The following MAP4K3 variants were observed in gnomAD, a reference collection of about 807,000 sequenced individuals.
The protein encoded by MAP4K3 is MAPK/ERK kinase kinase kinase 3.
MAP4K3 carries 94 observed loss-of-function variants against 143.5 expected under a neutral mutation model. The observed-to-expected ratio is 0.65, with a 90% confidence interval of 0.55 to 0.78. MAP4K3 has a LOEUF of 0.78. MAP4K3 is among the 30% of genes least tolerant of loss of function. The pLI, the probability that MAP4K3 is intolerant of heterozygous loss-of-function variation, is 0.00. For synonymous variants in MAP4K3, 416 were observed against 347.2 expected (o/e 1.20, Z -2.20); for missense variants, 1,077 against 1,068.1 (o/e 1.01, Z -0.12).
Position 39,356,344 on chromosome 2 carries a change from A to C in MAP4K3, c.155-5T>G. 2 of 1,508,088 alleles carry C rather than the reference A, an allele frequency of 1.3e-6. No homozygotes were observed. The highest frequency in any genetic ancestry group is 1.8e-6 in the Non-Finnish European group (2 of 1,094,734). The allele number at this position is 1,508,088 out of a possible 1,614,324, so 93.4% of individuals were successfully genotyped here. ...GCACAACTGCAAAGTCTTCTCCTGG[A>C]ATAAAAAACAAGCATGTTGAATATT... is the stretch of plus-strand genomic sequence containing the variant. On this transcript the variant is annotated splice_region_variant and splice_polypyrimidine_tract_variant and intron_variant, in intron 2 of 33. Transcript: ENST00000263881.
chr2:39,323,802 A>G (rs925680158), intron 12 of MAP4K3: 14 of 152,284 alleles, frequency 9.2e-5, no homozygotes, highest in Admixed American at 2.0e-4. Context: ...TAACAAAGAA[A>G]TGAAACACAT....
chr2:39,374,209 T>C (rs538185478), intron 2 of MAP4K3, among the ~76,000 whole-genome samples: 3 of 152,024 alleles, frequency 2.0e-5, no homozygotes, highest in South Asian at 2.1e-4. Flanking sequence ...GGATGAAACC[T>C]TGTCTCTACT....
At chr2:39,323,246 A>AC (rs1480143302) in intron 12 of MAP4K3, 1 of 152,226 alleles carries the variant, frequency 6.6e-6, no homozygotes, top group African/African-American at 2.4e-5. Context: ...TAATTATAAT[A>AC]CCAAAACAAT....
chr2:39,406,664 T>C (rs1291424490), intron 1 of MAP4K3, among the ~76,000 whole-genome samples: 2 of 152,008 alleles, frequency 1.3e-5, no homozygotes, highest in African/African-American at 4.8e-5. Flanking sequence ...ATCAAGACTT[T>C]CCCAGACAAA....
At chr2:39,257,796 CAAA>C (rs1285158564) in intron 31 of MAP4K3, among the ~76,000 whole-genome samples, 5 of 59,668 alleles carry the variant, frequency 8.4e-5, no homozygotes, top group South Asian at 7.0e-4. Context: ...CACTCCATCT[CAAA>C]AAAAAAAAAA....
At chr2:39,397,223 C>T (rs957033331) in intron 1 of MAP4K3, among the ~76,000 whole-genome samples, 4 of 152,136 alleles carry the variant, frequency 2.6e-5, no homozygotes, top group Non-Finnish European at 5.9e-5. Flanking sequence ...TACTCACCAA[C>T]TCCATAAAAT....
At position 39,252,432 on chromosome 2, in the gene MAP4K3, T is replaced by C. The variant is rs1680186821; in HGVS notation, c.2542-547A>G. Among the ~76,000 whole-genome samples the C allele has an allele frequency of 2.0e-5, 3 of 152,228 alleles. No homozygotes were observed. The South Asian group carries it at 6.2e-4, about 32-fold the overall frequency. ...ATGCAGTAGAGCCCTGCAGTGTTCT[T>C]ATAAGGATTAGTGGGTATAATGCCT... On this transcript the variant is annotated intron_variant, in intron 32 of 33. Transcript: ENST00000263881.
intron 3 of MAP4K3, among the ~76,000 whole-genome samples, chr2:39,349,928 G>T (rs556132310): frequency 6.6e-6 from 1 of 152,198 alleles, no homozygotes; most frequent in Admixed American, 6.5e-5. Context: ...GTAAAGGAAC[G>T]TATCTGTAAC....
chr2:39,296,433 T>C (rs1682284729), intron 16 of MAP4K3, among the ~76,000 whole-genome samples: 1 of 152,336 alleles, frequency 6.6e-6, no homozygotes, highest in South Asian at 2.1e-4. Flanking sequence ...GGAAGTTTTA[T>C]AAAGTAAATA....
At chr2:39,345,794 T>C (rs6753323) in intron 3 of MAP4K3, among the ~76,000 whole-genome samples, 132,968 of 151,432 alleles carry the variant, frequency 0.88, 58,627 homozygotes, top group Non-Finnish European at 0.92. Context: ...TGGTGGTGGG[T>C]GCCTGTAGTC....
intron 1 of MAP4K3, among the ~76,000 whole-genome samples, chr2:39,398,959 G>A (rs1337791769): frequency 3.3e-5 from 5 of 149,774 alleles, no homozygotes; most frequent in East Asian, 2.0e-4. Flanking sequence ...CAGGAGAATC[G>A]CTTGAACCCA....
At chr2:39,299,145 C>G (rs988128623) in intron 16 of MAP4K3, among the ~76,000 whole-genome samples, 2 of 152,008 alleles carry the variant, frequency 1.3e-5, no homozygotes, top group Admixed American at 6.5e-5. Context: ...TCCCATCATA[C>G]CTGGCAAATG....
At chr2:39,266,647 A>G (rs1283608548) in intron 27 of MAP4K3, among the ~76,000 whole-genome samples, 8 of 152,098 alleles carry the variant, frequency 5.3e-5, no homozygotes, top group Non-Finnish European at 1.5e-5. Flanking sequence ...TCCACACTAT[A>G]CTTGTGGTAT....
intron 1 of MAP4K3, among the ~76,000 whole-genome samples, chr2:39,411,836 T>TATCTACATGGTGACTAA (rs886126684): frequency 2.0e-5 from 3 of 152,212 alleles, no homozygotes; most frequent in African/African-American, 7.2e-5. Context: ...AATGGCTACA[T>TATCTACATGGTGACTAA]ATCTACATGG....
chr2:39,320,167 C>A (rs536890019), intron 12 of MAP4K3, among the ~76,000 whole-genome samples: 4 of 152,058 alleles, frequency 2.6e-5, no homozygotes, highest in Admixed American at 2.0e-4. Context: ...GAATGTTCAT[C>A]GAGTTAAATA....
intron 1 of MAP4K3, among the ~76,000 whole-genome samples, chr2:39,403,442 G>A (rs992689090): frequency 1.3e-5 from 2 of 152,192 alleles, no homozygotes; most frequent in Non-Finnish European, 2.9e-5. Flanking sequence ...GTGGCAGTGT[G>A]GCGCAGAGAA....
At chr2:39,376,597 C>A (rs1404085474) in intron 2 of MAP4K3, among the ~76,000 whole-genome samples, 1 of 151,930 alleles carries the variant, frequency 6.6e-6, no homozygotes, top group East Asian at 1.9e-4. Flanking sequence ...GCTGGGGGCA[C>A]AAATTTGATT....
At chr2:39,268,634 ATTTTTTTTT>A (rs70954799) in intron 26 of MAP4K3, among the ~76,000 whole-genome samples, 2 of 73,786 alleles carry the variant, frequency 2.7e-5, no homozygotes, top group South Asian at 5.8e-4. Flanking sequence ...GATTTTTTCT[ATTTTTTTTT>A]TTTTTTTTTT....
chr2:39,261,693 C>A (rs114359666), intron 28 of MAP4K3, among the ~76,000 whole-genome samples: 2 of 152,096 alleles, frequency 1.3e-5, no homozygotes, highest in African/African-American at 2.4e-5. Flanking sequence ...GATAAAATTA[C>A]GGCACATTCA....
Sources: allele counts gnomAD v4.1 joint callset (sites outside exome capture counted in the v4.1 genomes callset), GRCh38; gene constraint gnomAD v4.1.1; transcripts MANE v1.5; gene names NCBI Gene and HGNC (gene_info 2026-07-23, HGNC 2026-07-21).